The following PRKAR2B variants were observed in gnomAD, a reference collection of about 807,000 sequenced individuals.
The protein encoded by PRKAR2B is protein kinase cAMP-dependent type II regulatory subunit beta, also known as cAMP-dependent protein kinase type II-beta regulatory subunit.
Under a neutral mutation model 49.9 loss-of-function variants are expected in PRKAR2B, and 14 were observed. That is an observed-to-expected ratio of 0.28 (90% CI 0.19 to 0.44). The LOEUF (loss-of-function observed/expected upper bound fraction) is 0.44, where lower values mean the gene tolerates loss of function less well. PRKAR2B is among the 20% of genes least tolerant of loss of function. PRKAR2B has a pLI of 1.00. For synonymous variants in PRKAR2B, 196 were observed against 197.7 expected (o/e 0.99, Z 0.07); for missense variants, 393 against 537.9 (o/e 0.73, Z 2.67).
At chr7:107,075,205 C>G (rs1031133544) in intron 2 of PRKAR2B, among the ~76,000 whole-genome samples, 2 of 150,372 alleles carry the variant, frequency 1.3e-5, no homozygotes, top group Non-Finnish European at 3.0e-5. Context: ...TGGGTTCAAG[C>G]GATTCTTCTG....
intron 10 of PRKAR2B, 56 bp downstream of exon 10, chr7:107,157,380 A>T (rs954767989): frequency 1.9e-6 from 3 of 1,547,036 alleles, no homozygotes; most frequent in Non-Finnish European, 2.6e-6. Context: ...TCTGCATTTT[A>T]TGTATTCATG....
intron 8 of PRKAR2B, among the ~76,000 whole-genome samples, chr7:107,154,402 G>A (rs564545363): frequency 8.5e-5 from 13 of 152,220 alleles, no homozygotes; most frequent in Admixed American, 2.6e-4. Context: ...CACTTAGAGC[G>A]TGCTTTAAAA....
intron 2 of PRKAR2B, among the ~76,000 whole-genome samples, chr7:107,092,803 A>G (rs908003749): frequency 7.2e-5 from 11 of 152,168 alleles, no homozygotes; most frequent in African/African-American, 2.7e-4. Flanking sequence ...CTGTGCACCC[A>G]TTATCACCAT....
chr7:107,135,069 CAT>C (rs1281357059), intron 4 of PRKAR2B, among the ~76,000 whole-genome samples: 1 of 151,486 alleles, frequency 6.6e-6, no homozygotes, highest in African/African-American at 2.4e-5. Context: ...ATTTGCCAAT[CAT>C]ATATCTGATA....
intron 1 of PRKAR2B, among the ~76,000 whole-genome samples, chr7:107,050,644 T>C (rs1793783175): frequency 6.6e-6 from 1 of 152,072 alleles, no homozygotes; most frequent in Non-Finnish European, 1.5e-5. Flanking sequence ...GGTTGGGGAA[T>C]GATGGAATAT....
At position 107,045,317 on chromosome 7, in the gene PRKAR2B, C is replaced by T. The variant is rs576579672; in HGVS notation, c.307+103C>T. On this transcript the variant is annotated intron_variant, in intron 1 of 10. Coordinates refer to ENST00000265717, the MANE Select transcript of PRKAR2B (RefSeq NM_002736.3). ...TTGCCGCTTTGCGCACCCACCTCTC[C>T]CCGCATTCTCCACCTTTCCCTACCT... The T allele has an allele frequency of 1.7e-3, 1,629 of 982,536 alleles. 5 individuals are homozygous for T. Among genetic ancestry groups the T allele is most frequent in the Non-Finnish European group, 1.7e-3 (1,182 of 696,736 alleles). 60.9% of individuals were successfully genotyped at this position (982,536 alleles called of 1,614,324 possible). A position where few individuals can be genotyped will look rare whatever the true frequency, so the allele number is the denominator to read the frequency against.
chr7:107,146,452 G>A lies in PRKAR2B; in HGVS notation c.732G>A (p.Leu244=), dbSNP rs781101126. 1.4e-5 allele frequency: 22 copies of A among 1,612,598 alleles called. No individual in the cohort carries two copies. The highest frequency in any genetic ancestry group is 1.7e-5 in the Admixed American group (1 of 59,806). ...TCACTGCTACCTCTCCTGGTGCTCT[G>A]TGGGGTTTGGTGAGTAAAATACTTA... ...ATITATSPGA[L]WGLDRVTFRR... is the part of the protein sequence containing the mutation. The change falls in exon 6 of 11, where the codon CTG becomes CTA. Residue 244 remains leucine, a synonymous_variant. Transcript: ENST00000265717.
Position 107,160,315 on chromosome 7 carries a change from T to A in PRKAR2B, c.*733T>A, listed in dbSNP as rs776609313. On this transcript the variant is annotated 3_prime_UTR_variant, in exon 11 of 11. Coordinates refer to ENST00000265717, the MANE Select transcript of PRKAR2B (RefSeq NM_002736.3). ...CCCTCATCAAGCATATATCTGCTTT[T>A]TTTTATTTTGCAATTCTCTGTATTC... The A allele has an allele frequency of 8.5e-5, 13 of 152,422 alleles. No individual in the cohort carries two copies. The highest frequency in any genetic ancestry group is 1.5e-4 in the Non-Finnish European group (10 of 68,036). 9.4% of individuals were successfully genotyped at this position (152,422 alleles called of 1,614,324 possible). A position where few individuals can be genotyped will look rare whatever the true frequency, so the allele number is the denominator to read the frequency against.
rs192486964 is a variant in PRKAR2B at position 107,077,896 on chromosome 7, A to G, written c.343+7580A>G. On this transcript the variant is annotated intron_variant, in intron 2 of 10. Transcript: ENST00000265717. ...TGATTGTTGTAATGAAACAGTAGAT[A>G]ACCCATGAAGAACAGATTCTTGAGG... 2.0e-5 allele frequency: 3 copies of G among 152,378 alleles called. No individual in the cohort carries two copies. The East Asian group carries it at 5.8e-4, about 29-fold the overall frequency. 9.4% of individuals were successfully genotyped at this position (152,378 alleles called of 1,614,324 possible).
chr7:107,114,335 T>TGTGTGA (rs1224430226), intron 2 of PRKAR2B, among the ~76,000 whole-genome samples: 2 of 82,032 alleles, frequency 2.4e-5, no homozygotes, highest in Non-Finnish European at 4.8e-5. Flanking sequence ...TGTGTGTGTG[T>TGTGTGA]GTGTGTGTGT....
At chr7:107,090,855 T>C (rs1794721422) in intron 2 of PRKAR2B, among the ~76,000 whole-genome samples, 1 of 152,200 alleles carries the variant, frequency 6.6e-6, no homozygotes, top group Admixed American at 6.5e-5. Context: ...ATAACAATAC[T>C]AGACAAATGT....
chr7:107,128,339 C>G, intron 4 of PRKAR2B, 44 bp downstream of exon 4: 2 of 1,414,692 alleles, frequency 1.4e-6, no homozygotes, highest in Non-Finnish European at 2.0e-6. Context: ...TTTTTTCCCC[C>G]AGTGACAGTG....
At chr7:107,058,047 C>T (rs760720885) in intron 1 of PRKAR2B, among the ~76,000 whole-genome samples, 43 of 146,112 alleles carry the variant, frequency 2.9e-4, no homozygotes, top group Non-Finnish European at 4.9e-4. Flanking sequence ...GTAAATAGTC[C>T]GACTTGGAAA....
At chr7:107,086,654 G>T (rs1355089422) in intron 2 of PRKAR2B, among the ~76,000 whole-genome samples, 1 of 151,934 alleles carries the variant, frequency 6.6e-6, no homozygotes, top group Non-Finnish European at 1.5e-5. Flanking sequence ...TAGATATGGG[G>T]CTTTGCCACA....
chr7:107,088,096 C>A (rs974394023), intron 2 of PRKAR2B, among the ~76,000 whole-genome samples: 1 of 152,022 alleles, frequency 6.6e-6, no homozygotes. Flanking sequence ...ATTATTATTT[C>A]CGTTTTAAAG....
intron 2 of PRKAR2B, among the ~76,000 whole-genome samples, chr7:107,102,078 GT>G (rs1562857512): frequency 6.6e-6 from 1 of 152,024 alleles, no homozygotes; most frequent in African/African-American, 2.4e-5. Flanking sequence ...ATGGTGGCAC[GT>G]GCCTGTAATC....
chr7:107,060,130 G>A (rs1371739270), intron 1 of PRKAR2B, among the ~76,000 whole-genome samples: 1 of 151,884 alleles, frequency 6.6e-6, no homozygotes, highest in Non-Finnish European at 1.5e-5. Flanking sequence ...GTATTTATCA[G>A]TTTTAATTTA....
chr7:107,143,322 C>T (rs887553491), intron 5 of PRKAR2B, among the ~76,000 whole-genome samples: 8 of 152,248 alleles, frequency 5.3e-5, no homozygotes, highest in Admixed American at 2.6e-4. Context: ...GGAAATTCCA[C>T]ACCTGACCTC....
Position 107,126,040 on chromosome 7 carries a change from G to A in PRKAR2B, c.397-2172G>A, listed in dbSNP as rs1055238003. Among the ~76,000 whole-genome samples the A allele has an allele frequency of 1.2e-4, 16 of 137,206 alleles. 1 individual carries two copies. Among genetic ancestry groups the A allele is most frequent in the African/African-American group, 4.1e-4 (15 of 36,400 alleles). The allele number at this position is 137,206 out of a possible 152,430, so 90.0% of individuals were successfully genotyped here. On this transcript the variant is annotated intron_variant, in intron 3 of 10. Transcript: ENST00000265717. ...AGGCAAAGGTTGTAGGGAACCGAGT[G>A]CACCACCACTGCACTTTAGCCTGGG...
Sources: allele counts gnomAD v4.1 joint callset (sites outside exome capture counted in the v4.1 genomes callset), GRCh38; gene constraint gnomAD v4.1.1; transcripts MANE v1.5; gene names NCBI Gene and HGNC (gene_info 2026-07-23, HGNC 2026-07-21).